The following EP400 variants were observed in gnomAD, a reference collection of about 807,000 sequenced individuals.
EP400 encodes E1A binding protein p400.
EP400 carries 105 observed loss-of-function variants against 354.1 expected under a neutral mutation model. The ratio of observed to expected loss-of-function variants is 0.30; its 90% confidence interval spans 0.25 to 0.35. EP400 has a LOEUF of 0.35. Ranked by LOEUF, EP400 falls within the 10% of genes least tolerant of loss-of-function variation. The pLI is 1.00. For missense variants in EP400, 3,280 were observed against 4,121.0 expected (o/e 0.80, Z 5.59); for synonymous variants, 1,646 against 1,716.9 (o/e 0.96, Z 1.02).
At chr12:132,041,741 G>A (rs1047719229) in intron 32 of EP400, among the ~76,000 whole-genome samples, 2 of 152,192 alleles carry the variant, frequency 1.3e-5, no homozygotes, top group Non-Finnish European at 2.9e-5. Flanking sequence ...CTGGGTGGTG[G>A]TGTGGAGGCA....
At chr12:131,954,545 T>C (rs942949760) in intron 1 of EP400, among the ~76,000 whole-genome samples, 56 of 151,872 alleles carry the variant, frequency 3.7e-4, no homozygotes, top group Non-Finnish European at 1.9e-4. Flanking sequence ...GCCAACATAG[T>C]GAAACCCTGT....
In EP400 at chr12:132,017,246, C is replaced by G. The variant is rs953330732; in HGVS notation, c.3924-289C>G. ...TCACTTTGCTCATCCCCCTTGGATG[C>G]CCCCACTTCTCTTTCAGAGCACTCG... is the stretch of plus-strand genomic sequence containing the variant. On this transcript the variant is annotated intron_variant, in intron 19 of 52. Coordinates refer to ENST00000389561, the MANE Select transcript of EP400 (RefSeq NM_015409.5). This position sits in a 1 kb window ranked among gnomAD's most constrained non-coding sequence, Gnocchi z 5.0. Among the ~76,000 whole-genome samples, 11 of 152,232 alleles carry G rather than the reference C, an allele frequency of 7.2e-5. No homozygotes were observed. Among genetic ancestry groups the G allele is most frequent in the African/African-American group, 2.7e-4 (11 of 41,466 alleles).
intron 4 of EP400, among the ~76,000 whole-genome samples, chr12:131,981,814 C>G (rs913714087): frequency 2.0e-5 from 3 of 152,236 alleles, no homozygotes; most frequent in Non-Finnish European, 4.4e-5. Flanking sequence ...GTCGCATTGT[C>G]ATAGTGTCTT....
intron 1 of EP400, among the ~76,000 whole-genome samples, chr12:131,952,927 G>T (rs1891565284): frequency 6.6e-6 from 1 of 151,988 alleles, no homozygotes; most frequent in Non-Finnish European, 1.5e-5. Flanking sequence ...GAAATACATA[G>T]AGCTCGTTAA....
chr12:131,958,807 C>A (rs567225154), intron 1 of EP400, among the ~76,000 whole-genome samples: 1 of 152,216 alleles, frequency 6.6e-6, no homozygotes, highest in South Asian at 2.1e-4. Context: ...AGGTGTGAGC[C>A]ACCATGCCTG....
chr12:131,981,515 G>T lies in EP400; in HGVS notation c.1462G>T (p.Val488Leu). The T allele has an allele frequency of 6.3e-7, 1 of 1,591,600 alleles. No individual in the cohort carries two copies. The highest frequency in any genetic ancestry group is 8.6e-7 in the Non-Finnish European group (1 of 1,168,852). ...AEQSKRPRLEVGHQGVVFQHP... is the reference protein window; with the variant it reads ...AEQSKRPRLELGHQGVVFQHP... ...GCAGTCTAAGAGGCCTCGCCTTGAA[G>T]TGGGTCACCAAGGGGTAGTTTTCCA... The change falls in exon 4 of 53, where the codon GTG becomes TTG. Residue 488 changes from valine to leucine, a missense_variant. Physicochemically the swap from Val to Leu is conservative, Grantham distance 32 (BLOSUM62 1). Around this residue, in one of 20 missense-constraint regions of EP400, gnomAD observed 800 missense variants for 840.0 expected, o/e 0.95. Coordinates refer to ENST00000389561, the MANE Select transcript of EP400 (RefSeq NM_015409.5).
intron 2 of EP400, among the ~76,000 whole-genome samples, chr12:131,967,506 A>G (rs1892142292): frequency 6.6e-6 from 1 of 151,732 alleles, no homozygotes; most frequent in African/African-American, 2.4e-5. Context: ...TGACCAACAT[A>G]GTGAAACCCC....
intron 2 of EP400, among the ~76,000 whole-genome samples, chr12:131,969,440 TG>T (rs1039281781): frequency 3.2e-4 from 49 of 152,320 alleles, no homozygotes; most frequent in African/African-American, 1.1e-3. Context: ...TGATGCTCCT[TG>T]CCAGTCATTT....
chr12:132,074,404 C>T (rs1896165734), intron 51 of EP400, among the ~76,000 whole-genome samples: 1 of 152,094 alleles, frequency 6.6e-6, no homozygotes, highest in Admixed American at 6.5e-5. Context: ...ACCTCTCTCC[C>T]CCACCGTCTG....
At chr12:131,975,871 T>A (rs1806402820) in intron 2 of EP400, among the ~76,000 whole-genome samples, 1 of 152,148 alleles carries the variant, frequency 6.6e-6, no homozygotes, top group Non-Finnish European at 1.5e-5. Flanking sequence ...TTAAAATTTT[T>A]TGTTTGTTTT....
intron 47 of EP400, 79 bp from the exon 48 acceptor site, chr12:132,064,589 G>C: frequency 1.9e-6 from 3 of 1,542,570 alleles, no homozygotes. Flanking sequence ...CAGTAGAGGG[G>C]TGGCTTAGGA....
intron 2 of EP400, among the ~76,000 whole-genome samples, chr12:131,962,790 G>A (rs1292139553): frequency 6.6e-6 from 1 of 152,196 alleles, no homozygotes; most frequent in Non-Finnish European, 1.5e-5. Flanking sequence ...TTTGTGTTGT[G>A]TAGTGTATAC....
At chr12:131,959,320 G>T (rs1022392404) in intron 1 of EP400, among the ~76,000 whole-genome samples, 9 of 152,186 alleles carry the variant, frequency 5.9e-5, no homozygotes, top group African/African-American at 2.2e-4. Flanking sequence ...TCACCATTGC[G>T]TTTGCACCCT....
At chr12:131,955,872 C>T (rs1056075274) in intron 1 of EP400, among the ~76,000 whole-genome samples, 28 of 152,220 alleles carry the variant, frequency 1.8e-4, no homozygotes, top group African/African-American at 5.3e-4. Flanking sequence ...TCTCGAACTC[C>T]TGACCTCAGG....
intron 2 of EP400, among the ~76,000 whole-genome samples, chr12:131,963,964 G>T (rs1206795383): frequency 3.9e-5 from 6 of 151,962 alleles, no homozygotes; most frequent in African/African-American, 1.5e-4. Flanking sequence ...GTTCTTTCTT[G>T]TGTCCTTTAT....
intron 2 of EP400, among the ~76,000 whole-genome samples, chr12:131,977,118 T>C (rs1220889029): frequency 6.6e-6 from 1 of 152,098 alleles, no homozygotes; most frequent in Non-Finnish European, 1.5e-5. Flanking sequence ...GTTACCTGGA[T>C]TATGTTTTTT....
In EP400 at chr12:131,960,988, C is replaced by G; in HGVS notation, c.369C>G (p.Val123=). 6.2e-7 allele frequency: 1 copy of G among 1,607,222 alleles called. No individual in the cohort carries two copies. The highest frequency in any genetic ancestry group is 8.5e-7 in the Non-Finnish European group (1 of 1,177,416). Residue 123 remains valine (V), a synonymous_variant, in exon 2 of 53, where the codon GTC becomes GTG. Transcript: ENST00000389561. The part of the protein sequence containing the change: ...FEHGSPSYIQ[V]TSPLSQQVQT... Reference sequence around the variant, plus strand: ...ATGGGTCTCCATCATACATTCAGGTCACGTCCCCCTTGTCCCAGCAGGTCC... The same window carrying G: ...ATGGGTCTCCATCATACATTCAGGTGACGTCCCCCTTGTCCCAGCAGGTCC...
At chr12:132,005,284 A>C in intron 13 of EP400, 100 bp downstream of exon 13, 1 of 767,994 alleles carries the variant, frequency 1.3e-6, no homozygotes, top group African/African-American at 1.8e-5. Context: ...TTAGTTTGAT[A>C]AAATAAAAAA....
intron 41 of EP400, among the ~76,000 whole-genome samples, chr12:132,051,509 A>G (rs1466986485): frequency 1.3e-5 from 2 of 152,216 alleles, no homozygotes; most frequent in South Asian, 2.1e-4. Flanking sequence ...CGTGGATCAC[A>G]TGGCCACTGG....
Sources: allele counts gnomAD v4.1 joint callset (sites outside exome capture counted in the v4.1 genomes callset), GRCh38; gene constraint gnomAD v4.1.1; regional missense constraint gnomAD v4.1.1; non-coding constraint Gnocchi (gnomAD v3.1); transcripts MANE v1.5; gene names NCBI Gene and HGNC (gene_info 2026-07-23, HGNC 2026-07-21).